EPB41L2: variants seen among roughly 807,000 people sequenced by gnomAD.
EPB41L2 encodes the protein erythrocyte membrane protein band 4.1 like 2.
EPB41L2 carries 43 observed loss-of-function variants against 113.0 expected under a neutral mutation model. That is an observed-to-expected ratio of 0.38 (90% CI 0.30 to 0.49). The LOEUF is 0.49. Ranked by LOEUF, EPB41L2 falls within the 20% of genes least tolerant of loss-of-function variation. EPB41L2 has a pLI of 0.95. For synonymous variants in EPB41L2, 442 were observed against 436.7 expected, an observed-to-expected ratio of 1.01 and a Z score of -0.15; for missense variants, 1,147 against 1,223.4, an observed-to-expected ratio of 0.94 and a Z score of 0.93.
At chr6:130,990,015 A>T (rs367665656) in intron 1 of EPB41L2, among the ~76,000 whole-genome samples, 1 of 152,194 alleles carries the variant, frequency 6.6e-6, no homozygotes, top group African/African-American at 2.4e-5. Context: ...AAGACATATA[A>T]CTAATAAAAC....
chr6:130,864,421 T>A (rs901225785), intron 17 of EPB41L2, among the ~76,000 whole-genome samples: 7 of 152,176 alleles, frequency 4.6e-5, no homozygotes, highest in African/African-American at 1.7e-4. Context: ...CACGTAGACA[T>A]GGCGCATGGC....
At chr6:130,966,171 A>C (rs964750428) in intron 1 of EPB41L2, among the ~76,000 whole-genome samples, 1 of 152,178 alleles carries the variant, frequency 6.6e-6, no homozygotes, top group Admixed American at 6.5e-5. Flanking sequence ...TATCCTACAG[A>C]TATATCTGTG....
chr6:130,890,540 A>G, intron 10 of EPB41L2, 74 bp from the exon 11 acceptor site: 3 of 1,499,982 alleles, frequency 2.0e-6, no homozygotes, highest in Non-Finnish European at 2.7e-6. Context: ...ATTTTTTAAA[A>G]AAACTTTAAA....
At chr6:131,009,428 C>T (rs1015483497) in intron 1 of EPB41L2, among the ~76,000 whole-genome samples, 33 of 152,112 alleles carry the variant, frequency 2.2e-4, no homozygotes, top group Admixed American at 1.3e-4. Flanking sequence ...AATACACAGA[C>T]CCTTAGCAAT....
chr6:130,899,533 T>G lies in EPB41L2; in HGVS notation c.1194A>C (p.Ala398=). The change falls in exon 8 of 20, where the codon GCA becomes GCC. Residue 398 remains alanine (A), a synonymous_variant. Coordinates refer to ENST00000337057, the MANE Select transcript of EPB41L2 (RefSeq NM_001431.4). ...AQADSQFLEN[A]KRLSMYGVDL... is the part of the protein sequence containing the mutation. ...CAACACCATACATGGAAAGCCTCTT[T>G]GCATTTTCTAAGAACTGGGAATCAG... is the stretch of plus-strand genomic sequence containing the variant. 1 of 1,614,006 alleles carries G rather than the reference T, an allele frequency of 6.2e-7. No individual in the cohort carries two copies. Among genetic ancestry groups the G allele is most frequent in the Non-Finnish European group, 8.5e-7 (1 of 1,179,880 alleles).
chr6:130,870,342 T>C (rs1486391841), intron 14 of EPB41L2: 1 of 1,550,686 alleles, frequency 6.4e-7, no homozygotes, highest in Non-Finnish European at 8.7e-7. Context: ...ACAGCATCCC[T>C]GGCTCCAGTG....
Position 130,873,755 on chromosome 6 carries a change from C to T in EPB41L2, c.2044-3629G>A, listed in dbSNP as rs144735242. Among the ~76,000 whole-genome samples the T allele has an allele frequency of 2.1e-4, 31 of 150,454 alleles. 1 individual carries two copies. The highest frequency in any genetic ancestry group is 1.2e-3 in the East Asian group (6 of 5,144). Reference sequence around the variant, plus strand: ...TGCTGGGAATACAGGCGTGAGCCACCGCACCCAGTCACTATTCAGAAATCT... The same window carrying T: ...TGCTGGGAATACAGGCGTGAGCCACTGCACCCAGTCACTATTCAGAAATCT... On this transcript the variant is annotated intron_variant, in intron 14 of 19. Coordinates refer to ENST00000337057, the MANE Select transcript of EPB41L2 (RefSeq NM_001431.4).
intron 4 of EPB41L2, among the ~76,000 whole-genome samples, chr6:130,924,794 C>T (rs1055197449): frequency 6.6e-6 from 1 of 152,148 alleles, no homozygotes; most frequent in Non-Finnish European, 1.5e-5. Flanking sequence ...ACATCCTTGC[C>T]AACACTTGCT....
chr6:130,865,735 G>T, intron 16 of EPB41L2, 101 bp from the exon 17 acceptor site: 1 of 1,220,888 alleles, frequency 8.2e-7, no homozygotes, highest in Non-Finnish European at 1.2e-6. Context: ...TAAAATCCAT[G>T]TGGTTTGCGT....
At chr6:131,034,557 C>T (rs1209354685) in intron 1 of EPB41L2, among the ~76,000 whole-genome samples, 1 of 152,132 alleles carries the variant, frequency 6.6e-6, no homozygotes, top group African/African-American at 2.4e-5. Context: ...GAAAATTAAA[C>T]TCAAAATTAC....
intron 1 of EPB41L2, among the ~76,000 whole-genome samples, chr6:130,964,286 T>A (rs976383502): frequency 2.4e-4 from 37 of 152,176 alleles, no homozygotes; most frequent in Non-Finnish European, 3.2e-4. Flanking sequence ...TCTCCCAAAA[T>A]GCTGGGATTA....
At chr6:131,023,628 T>C (rs1790034543) in intron 1 of EPB41L2, among the ~76,000 whole-genome samples, 1 of 151,718 alleles carries the variant, frequency 6.6e-6, no homozygotes, top group South Asian at 2.1e-4. Context: ...GAGGTTGCAG[T>C]GAGCCAAGAT....
At chr6:130,922,729 A>G (rs1803283449) in intron 4 of EPB41L2, among the ~76,000 whole-genome samples, 2 of 152,180 alleles carry the variant, frequency 1.3e-5, no homozygotes, top group Admixed American at 1.3e-4. Flanking sequence ...ACAGCCATTT[A>G]TATTTTATTT....
At chr6:131,034,544 G>A (rs1027488451) in intron 1 of EPB41L2, among the ~76,000 whole-genome samples, 1 of 152,136 alleles carries the variant, frequency 6.6e-6, no homozygotes, top group South Asian at 2.1e-4. Flanking sequence ...AAAAAGAAAT[G>A]AAGAAAATTA....
intron 16 of EPB41L2, 21 bp downstream of exon 16, chr6:130,867,438 C>A: frequency 6.2e-7 from 1 of 1,613,354 alleles, no homozygotes; most frequent in South Asian, 1.1e-5. Context: ...CTCGAACAGT[C>A]CAAGTCTAGA....
At chr6:130,980,154 T>C (rs1779071484) in intron 1 of EPB41L2, among the ~76,000 whole-genome samples, 2 of 152,044 alleles carry the variant, frequency 1.3e-5, no homozygotes, top group South Asian at 4.2e-4. Flanking sequence ...AAAGAGCAAG[T>C]TCAGTGGCTA....
chr6:130,995,649 A>C (rs901312768), intron 1 of EPB41L2, among the ~76,000 whole-genome samples: 11 of 152,262 alleles, frequency 7.2e-5, no homozygotes, highest in African/African-American at 2.4e-4. Context: ...GACCTGTCTC[A>C]GATATTCGGG....
intron 1 of EPB41L2, among the ~76,000 whole-genome samples, chr6:131,017,948 T>C (rs1219648202): frequency 6.6e-6 from 1 of 152,248 alleles, no homozygotes; most frequent in African/African-American, 2.4e-5. Context: ...TATGCTCTAT[T>C]TTGCTACTAG....
chr6:130,899,399 A>C lies in EPB41L2; in HGVS notation c.1236+92T>G, dbSNP rs2275064. The C allele has an allele frequency of 4.9e-6, 5 of 1,013,740 alleles. No homozygotes were observed. The African/African-American group carries it at 8.1e-5, about 16-fold the overall frequency. The allele number at this position is 1,013,740 out of a possible 1,614,324, so 62.8% of individuals were successfully genotyped here. Reference sequence around the variant, plus strand: ...AATTGAAAGCAAATATCCTTTTCCCAAAAATAAGCTGTGCTATCCTGAAAC... The same window carrying C: ...AATTGAAAGCAAATATCCTTTTCCCCAAAATAAGCTGTGCTATCCTGAAAC... On this transcript the variant is annotated intron_variant, in intron 8 of 19. Coordinates refer to ENST00000337057, the MANE Select transcript of EPB41L2 (RefSeq NM_001431.4).
Sources: gnomAD v4.1 joint callset for allele counts (sites outside exome capture counted in the v4.1 genomes callset) on GRCh38, gnomAD v4.1.1 for gene constraint, MANE v1.5 for transcripts, NCBI Gene and HGNC (gene_info 2026-07-23, HGNC 2026-07-21) for gene names.